TRHDE: variants seen among roughly 807,000 people sequenced by gnomAD.
TRHDE encodes thyrotropin-releasing hormone-degrading ectoenzyme.
In TRHDE, 72 loss-of-function variants were observed where a neutral mutation model predicts 125.7. That is an observed-to-expected ratio of 0.57 (90% confidence interval 0.47 to 0.70). The LOEUF (loss-of-function observed/expected upper bound fraction) is 0.70. Ranked by LOEUF, TRHDE falls within the 30% of genes least tolerant of loss-of-function variation. The pLI, the probability that TRHDE is intolerant of heterozygous loss-of-function variation, is 0.00. For missense variants in TRHDE, 1,110 were observed against 1,327.1 expected, an observed-to-expected ratio of 0.84 and a Z score of 2.54; for synonymous variants, 509 against 509.1, an observed-to-expected ratio of 1.00 and a Z score of 0.00.
At chr12:72,194,580 C>A (rs762832078) in intron 2 of TRHDE, among the ~76,000 whole-genome samples, 33 of 152,096 alleles carry the variant, frequency 2.2e-4, no homozygotes, top group Non-Finnish European at 4.3e-4. Context: ...ATCTTTATGT[C>A]CATGAGTACC....
At chr12:72,435,327 T>G (rs964756674) in intron 3 of TRHDE, among the ~76,000 whole-genome samples, 1 of 152,216 alleles carries the variant, frequency 6.6e-6, no homozygotes, top group Admixed American at 6.5e-5. Flanking sequence ...AGCAGTTTAT[T>G]TAACTAATCT....
chr12:72,573,590 T>C (rs928970762), intron 10 of TRHDE, among the ~76,000 whole-genome samples: 15 of 151,986 alleles, frequency 9.9e-5, no homozygotes, highest in Admixed American at 1.3e-4. Context: ...ATCAATAGCA[T>C]AAATTTAAAC....
intron 2 of TRHDE, among the ~76,000 whole-genome samples, chr12:72,237,975 A>G (rs1294371533): frequency 1.3e-5 from 2 of 152,026 alleles, no homozygotes; most frequent in African/African-American, 4.8e-5. Context: ...GTTAAGGCCA[A>G]TGAGCAAAAG....
chr12:72,497,472 C>G (rs943959753), intron 5 of TRHDE, among the ~76,000 whole-genome samples: 2 of 151,950 alleles, frequency 1.3e-5, no homozygotes, highest in Non-Finnish European at 1.5e-5. Flanking sequence ...GTTCACTTTA[C>G]CTGGTTGTTT....
intron 15 of TRHDE, among the ~76,000 whole-genome samples, chr12:72,639,295 A>G (rs1228108409): frequency 1.3e-5 from 2 of 152,014 alleles, no homozygotes; most frequent in East Asian, 3.9e-4. Flanking sequence ...AGTTGATTGC[A>G]TCGGCTCCTG....
At chr12:72,543,857 A>G (rs1386689279) in intron 7 of TRHDE, among the ~76,000 whole-genome samples, 1 of 148,584 alleles carries the variant, frequency 6.7e-6, no homozygotes, top group East Asian at 2.0e-4. Flanking sequence ...ATCCTGTCAT[A>G]CTTTCTATGG....
chr12:72,474,211 A>C (rs1325438416), intron 5 of TRHDE, among the ~76,000 whole-genome samples: 1 of 152,150 alleles, frequency 6.6e-6, no homozygotes, highest in African/African-American at 2.4e-5. Flanking sequence ...ACCACAGTCT[A>C]TGCCATAAAC....
intron 3 of TRHDE, among the ~76,000 whole-genome samples, chr12:72,400,716 T>G (rs1873006047): frequency 6.6e-6 from 1 of 152,166 alleles, no homozygotes; most frequent in Admixed American, 6.5e-5. Context: ...CCACATATTT[T>G]ATTTTATTGT....
chr12:72,512,032 G>C (rs1878601668), intron 6 of TRHDE, among the ~76,000 whole-genome samples: 1 of 152,090 alleles, frequency 6.6e-6, no homozygotes, highest in South Asian at 2.1e-4. Flanking sequence ...GTTGCACACA[G>C]TTTCTGTCTT....
chr12:72,599,513 C>G (rs571384977), intron 12 of TRHDE, among the ~76,000 whole-genome samples: 1 of 151,942 alleles, frequency 6.6e-6, no homozygotes, highest in Non-Finnish European at 1.5e-5. Context: ...TACTTGTATG[C>G]CTTCTTTTGA....
At chr12:72,184,393 C>A (rs953815366) in intron 2 of TRHDE, among the ~76,000 whole-genome samples, 1 of 152,136 alleles carries the variant, frequency 6.6e-6, no homozygotes, top group African/African-American at 2.4e-5. Flanking sequence ...CTCCCCTCCC[C>A]GCTTCTTCCC....
chr12:72,481,455 C>T (rs921719809), intron 5 of TRHDE, among the ~76,000 whole-genome samples: 9 of 151,306 alleles, frequency 5.9e-5, no homozygotes, highest in African/African-American at 1.5e-4. Flanking sequence ...AGTAAAGACT[C>T]GTGTAGCATT....
chr12:72,286,921 A>T lies in TRHDE; in HGVS notation c.1155A>T (p.Thr385=). Residue 385 remains threonine (T), a synonymous_variant, in exon 2 of 19, where the codon ACA becomes ACT. Coordinates refer to ENST00000261180, the MANE Select transcript of TRHDE (RefSeq NM_013381.3). ...YYLAWAICNF[T]YRETTTKSGV... ...TAGCCTGGGCAATTTGCAACTTCAC[A>T]TACAGAGAAACTACCACCAAGAGTG... 6.2e-7 allele frequency: 1 copy of T among 1,613,984 alleles called. No individual in the cohort carries two copies. Among genetic ancestry groups the T allele is most frequent in the Non-Finnish European group, 8.5e-7 (1 of 1,179,966 alleles).
At chr12:72,574,953 G>A (rs1423503735) in intron 10 of TRHDE, among the ~76,000 whole-genome samples, 2 of 152,030 alleles carry the variant, frequency 1.3e-5, no homozygotes, top group African/African-American at 4.8e-5. Context: ...TGAATACAGT[G>A]GTAGATTTCT....
At chr12:72,160,046 C>A (rs367819836) in intron 2 of TRHDE, among the ~76,000 whole-genome samples, 27 of 152,240 alleles carry the variant, frequency 1.8e-4, no homozygotes, top group African/African-American at 6.5e-4. Flanking sequence ...TCATGCCATG[C>A]TTTTATTTTT....
At position 72,470,863 on chromosome 12, in the gene TRHDE, C is replaced by CTTTT. The variant is rs768937293; in HGVS notation, c.1470+979_1470+982dup. 3.0e-3 allele frequency among the ~76,000 whole-genome samples: 206 copies of CTTTT among 67,948 alleles called. 34 individuals carry two copies. Among genetic ancestry groups the CTTTT allele is most frequent in the South Asian group, 5.9e-3 (10 of 1,694 alleles). The allele number at this position is 67,948 out of a possible 152,430, so 44.6% of individuals were successfully genotyped here. On this transcript the variant is annotated intron_variant, in intron 4 of 18. Transcript: ENST00000261180. ...GACGACCGTTCTATGTAAATGTCAG[C>CTTTT]TTTTTTTTTTTTTTTTTTTTTTTTT...
chr12:72,254,671 A>G (rs1453915020), intron 2 of TRHDE: 1 of 152,156 alleles, frequency 6.6e-6, no homozygotes, highest in Non-Finnish European at 1.5e-5. Flanking sequence ...AACATCCACT[A>G]CCACAGGTAC....
intron 6 of TRHDE, among the ~76,000 whole-genome samples, chr12:72,503,791 A>T (rs879407092): frequency 6.6e-6 from 1 of 152,198 alleles, no homozygotes; most frequent in Non-Finnish European, 1.5e-5. Context: ...AGCTCAGAGA[A>T]GGAGTAAATT....
intron 3 of TRHDE, among the ~76,000 whole-genome samples, chr12:72,432,834 A>G (rs1475176770): frequency 6.6e-6 from 1 of 152,178 alleles, no homozygotes; most frequent in African/African-American, 2.4e-5. Context: ...ATCTAGCTAG[A>G]ACCTCCAGAA....
Sources: allele counts gnomAD v4.1 joint callset (sites outside exome capture counted in the v4.1 genomes callset), GRCh38; gene constraint gnomAD v4.1.1; transcripts MANE v1.5; gene names NCBI Gene and HGNC (gene_info 2026-07-23, HGNC 2026-07-21).